The following SLC24A3 variants were observed in gnomAD, a reference collection of about 807,000 sequenced individuals.
SLC24A3 encodes the protein sodium/potassium/calcium exchanger 3.
In SLC24A3, 28 loss-of-function variants were observed where a neutral mutation model predicts 75.8. The observed-to-expected ratio is 0.37, with a 90% CI of 0.27 to 0.51. SLC24A3 has a LOEUF of 0.51. Ranked by LOEUF, SLC24A3 falls within the 20% of genes least tolerant of loss-of-function variation. The probability of loss-of-function intolerance (pLI) is 0.94; values close to 1 mark genes in which losing one functional copy is unlikely to be tolerated. For synonymous variants in SLC24A3, 372 were observed against 334.1 expected (o/e 1.11, Z -1.24); for missense variants, 663 against 847.8 (o/e 0.78, Z 2.71).
chr20:19,580,900 T>C (rs759620395), intron 4 of SLC24A3, among the ~76,000 whole-genome samples: 51 of 152,296 alleles, frequency 3.3e-4, no homozygotes, highest in Non-Finnish European at 5.4e-4. Flanking sequence ...TCCTTCTCTC[T>C]CCCCTGAGTA....
intron 6 of SLC24A3, among the ~76,000 whole-genome samples, chr20:19,593,542 T>G (rs1487473009): frequency 1.3e-5 from 2 of 152,194 alleles, no homozygotes; most frequent in African/African-American, 4.8e-5. Flanking sequence ...CAATAACTCC[T>G]GGAGAAAGAC....
intron 6 of SLC24A3, among the ~76,000 whole-genome samples, chr20:19,604,410 G>T (rs1226046981): frequency 1.3e-5 from 2 of 152,194 alleles, no homozygotes; most frequent in Non-Finnish European, 2.9e-5. Flanking sequence ...GGAACAGAGT[G>T]ACTCGGTTAG....
intron 9 of SLC24A3, among the ~76,000 whole-genome samples, chr20:19,680,120 G>C (rs751449696): frequency 1.5e-4 from 12 of 78,784 alleles, no homozygotes; most frequent in Non-Finnish European, 2.6e-4. Context: ...GTCTGTGTCT[G>C]TGTGTGTGTC....
chr20:19,439,433 C>A (rs1177279244), intron 2 of SLC24A3, among the ~76,000 whole-genome samples: 1 of 152,152 alleles, frequency 6.6e-6, no homozygotes, highest in Admixed American at 6.5e-5. Flanking sequence ...TGCCCTTCCT[C>A]GCCAAAAAAC....
chr20:19,629,513 G>A lies in SLC24A3; in HGVS notation c.613-24549G>A, dbSNP rs144331101. 1.9e-3 allele frequency among the ~76,000 whole-genome samples: 286 copies of A among 152,180 alleles called. 2 individuals are homozygous for A. The highest frequency in any genetic ancestry group is 6.5e-3 in the African/African-American group (270 of 41,546). ...TGAAGAAATAATAGCCAATATCTCC[G>A]CAAATTTGAGGAAGGAAATGGGCAT... is the stretch of plus-strand genomic sequence containing the variant. On this transcript the variant is annotated intron_variant, in intron 6 of 16. Coordinates refer to ENST00000328041, the MANE Select transcript of SLC24A3 (RefSeq NM_020689.4).
In SLC24A3 at chr20:19,528,119, C is replaced by A. The variant is rs139296497; in HGVS notation, c.348+12555C>A. ...GATATTCTAAATCCTTTTTTGTCCT[C>A]TTTAAAGGCTCCTGAAAATTTTCCC... On this transcript the variant is annotated intron_variant, in intron 3 of 16. Coordinates refer to ENST00000328041, the MANE Select transcript of SLC24A3 (RefSeq NM_020689.4). Among the ~76,000 whole-genome samples the A allele has an allele frequency of 3.0e-4, 46 of 152,296 alleles. No homozygotes were observed. The East Asian group carries it at 8.5e-3, about 28-fold the overall frequency.
intron 2 of SLC24A3, among the ~76,000 whole-genome samples, chr20:19,285,477 C>CAAAA (rs35866612): frequency 0.013 from 538 of 42,538 alleles, 16 homozygotes; most frequent in East Asian, 0.027. Flanking sequence ...GACCCTGTCT[C>CAAAA]AAAAAAAAAA....
intron 7 of SLC24A3, among the ~76,000 whole-genome samples, chr20:19,664,885 A>G (rs1291870313): frequency 1.3e-5 from 2 of 152,234 alleles, no homozygotes; most frequent in Non-Finnish European, 2.9e-5. Context: ...TGTGTCATGA[A>G]AAGGACACCA....
intron 4 of SLC24A3, among the ~76,000 whole-genome samples, chr20:19,584,663 G>A (rs1397060372): frequency 6.6e-6 from 1 of 152,154 alleles, no homozygotes; most frequent in African/African-American, 2.4e-5. Context: ...GAATTGGGTT[G>A]AAGACCCCTA....
At chr20:19,638,376 G>A (rs1225722468) in intron 6 of SLC24A3, among the ~76,000 whole-genome samples, 1 of 152,186 alleles carries the variant, frequency 6.6e-6, no homozygotes, top group Non-Finnish European at 1.5e-5. Context: ...GGATGAGACA[G>A]GGAAGAGTTG....
chr20:19,388,474 G>A (rs1986309282), intron 2 of SLC24A3, among the ~76,000 whole-genome samples: 2 of 152,180 alleles, frequency 1.3e-5, no homozygotes, highest in African/African-American at 4.8e-5. Context: ...CACTTTGGGA[G>A]GCCAAGGCAG....
At chr20:19,523,621 G>A (rs766040974) in intron 3 of SLC24A3, among the ~76,000 whole-genome samples, 30 of 152,178 alleles carry the variant, frequency 2.0e-4, no homozygotes, top group Non-Finnish European at 4.1e-4. Flanking sequence ...AAAGCATGAC[G>A]GCTTAGAGCA....
intron 4 of SLC24A3, among the ~76,000 whole-genome samples, chr20:19,580,646 C>G (rs1359499424): frequency 6.6e-6 from 1 of 152,216 alleles, no homozygotes; most frequent in African/African-American, 2.4e-5. Flanking sequence ...AGTTAAACCC[C>G]TTTCATCAAA....
intron 1 of SLC24A3, among the ~76,000 whole-genome samples, chr20:19,216,295 T>A (rs1187642143): frequency 1.9e-5 from 1 of 53,326 alleles, no homozygotes; most frequent in Non-Finnish European, 3.2e-5. Flanking sequence ...TACCCAGCCA[T>A]TTTTTTTCCA....
At chr20:19,637,429 A>AT (rs1268689336) in intron 6 of SLC24A3, among the ~76,000 whole-genome samples, 1 of 152,246 alleles carries the variant, frequency 6.6e-6, no homozygotes, top group African/African-American at 2.4e-5. Flanking sequence ...CATACGGAAT[A>AT]TTTTTTTAAA....
chr20:19,383,037 G>T (rs1986208953), intron 2 of SLC24A3, among the ~76,000 whole-genome samples: 1 of 152,180 alleles, frequency 6.6e-6, no homozygotes, highest in Non-Finnish European at 1.5e-5. Context: ...AGTGATTCCA[G>T]TCTGATTCTC....
chr20:19,542,956 TG>T (rs1269491447), intron 3 of SLC24A3, among the ~76,000 whole-genome samples: 2 of 152,142 alleles, frequency 1.3e-5, no homozygotes, highest in Admixed American at 6.5e-5. Context: ...ATCTGTACAA[TG>T]GGGATAATGA....
chr20:19,399,227 C>G (rs1986509045), intron 2 of SLC24A3, among the ~76,000 whole-genome samples: 1 of 151,866 alleles, frequency 6.6e-6, no homozygotes, highest in Non-Finnish European at 1.5e-5. Flanking sequence ...TAATTGTTTT[C>G]TTTGTTTGTT....
intron 2 of SLC24A3, among the ~76,000 whole-genome samples, chr20:19,476,337 G>A (rs142549741): frequency 3.3e-5 from 5 of 152,272 alleles, no homozygotes; most frequent in African/African-American, 7.2e-5. Context: ...ACTGGTTAGC[G>A]AATGACTTTT....
Sources: gnomAD v4.1 joint callset for allele counts (sites outside exome capture counted in the v4.1 genomes callset) on GRCh38, gnomAD v4.1.1 for gene constraint, MANE v1.5 for transcripts, NCBI Gene and HGNC (gene_info 2026-07-23, HGNC 2026-07-21) for gene names.